GRIN2B: variants seen among roughly 807,000 people sequenced by gnomAD.
GRIN2B encodes the protein glutamate ionotropic receptor NMDA type subunit 2B.
Under a neutral mutation model 114.5 loss-of-function variants are expected in GRIN2B, and 5 were observed. The observed-to-expected ratio is 0.04, with a 90% CI of 0.02 to 0.09. The LOEUF (loss-of-function observed/expected upper bound fraction) is 0.09. Among genes scored for constraint, GRIN2B ranks in the 10% least tolerant of loss-of-function variants. The pLI, the probability that GRIN2B is intolerant of heterozygous loss-of-function variation, is 1.00. For synonymous variants in GRIN2B, 787 were observed against 745.1 expected (o/e 1.06, Z -0.92); for missense variants, 1,108 against 1,943.5 (o/e 0.57, Z 8.08).
rs796052574 is a variant in GRIN2B at position 13,564,302 on chromosome 12, T to A, written c.2936A>T (p.Asn979Ile). ...ATGGTGGTAGTGATCTTGGTACACG[T>A]TGCTGTCCTTCAGCTGCAGGTTCCC... ...TFGNLQLKDS[N>I]VYQDHYHHHH... The change falls in exon 14 of 14, where the codon AAC becomes ATC. Residue 979 changes from asparagine to isoleucine, a missense_variant. Physicochemically the swap from Asn to Ile is moderately radical, Grantham distance 149 (BLOSUM62 -3). Transcript: ENST00000609686. This position sits in a 1 kb window ranked among gnomAD's most constrained non-coding sequence, Gnocchi z 4.8. The A allele has an allele frequency of 8.1e-6, 13 of 1,614,094 alleles. No individual in the cohort carries two copies. Among genetic ancestry groups the A allele is most frequent in the African/African-American group, 1.3e-5 (1 of 74,932 alleles).
At position 13,909,324 on chromosome 12, in the gene GRIN2B, A is replaced by G. The variant is rs531338206; in HGVS notation, c.-18-43098T>C. ...CCATTCATGAGAGCTTGTCTTTGGT[A>G]AGGACTACCTGGATTCATCCCAGGG... On this transcript the variant is annotated intron_variant, in intron 2 of 13. Coordinates refer to ENST00000609686, the MANE Select transcript of GRIN2B (RefSeq NM_000834.5). Among the ~76,000 whole-genome samples, 14 of 152,348 alleles carry G rather than the reference A, an allele frequency of 9.2e-5. No homozygotes were observed. In the South Asian group the frequency reaches 2.9e-3, roughly 32 times the overall value.
At chr12:13,651,912 A>T (rs2193153) in intron 5 of GRIN2B, among the ~76,000 whole-genome samples, 2 of 152,074 alleles carry the variant, frequency 1.3e-5, no homozygotes, top group Admixed American at 6.6e-5. Flanking sequence ...CAGTAAGATG[A>T]GTTATGAGAA....
chr12:13,939,636 C>A (rs1345415369), intron 2 of GRIN2B, among the ~76,000 whole-genome samples: 1 of 144,674 alleles, frequency 6.9e-6, no homozygotes, highest in Non-Finnish European at 1.5e-5. Context: ...CTCACTGCAA[C>A]CTCTTCCTCC....
intron 3 of GRIN2B, among the ~76,000 whole-genome samples, chr12:13,814,704 T>C (rs1230893949): frequency 2.0e-5 from 3 of 152,218 alleles, no homozygotes; most frequent in Non-Finnish European, 4.4e-5. Flanking sequence ...TGCTGTCCAA[T>C]GTGATAGCCA....
chr12:13,961,024 C>A (rs1867680395), intron 2 of GRIN2B, among the ~76,000 whole-genome samples: 1 of 151,734 alleles, frequency 6.6e-6, no homozygotes, highest in African/African-American at 2.4e-5. Context: ...TGCTTGTGAA[C>A]AAAGGCTGGT....
chr12:13,717,626 C>A (rs1341371247), intron 4 of GRIN2B, among the ~76,000 whole-genome samples: 1 of 151,890 alleles, frequency 6.6e-6, no homozygotes, highest in Non-Finnish European at 1.5e-5. Context: ...GCGCGAGAAC[C>A]CACAAGAACT....
chr12:13,656,484 C>T (rs755254069), intron 5 of GRIN2B, among the ~76,000 whole-genome samples: 45 of 152,202 alleles, frequency 3.0e-4, no homozygotes, highest in Non-Finnish European at 6.2e-4. Flanking sequence ...AAGTCAACTG[C>T]ACAAAGCAAA....
At chr12:13,823,610 T>C (rs1179484065) in intron 3 of GRIN2B, among the ~76,000 whole-genome samples, 3 of 152,122 alleles carry the variant, frequency 2.0e-5, no homozygotes, top group African/African-American at 4.8e-5. Flanking sequence ...TGAAGGAAGA[T>C]GGTTTTACTC....
chr12:13,913,163 C>A (rs1288909358), intron 2 of GRIN2B, among the ~76,000 whole-genome samples: 1 of 152,150 alleles, frequency 6.6e-6, no homozygotes, highest in Non-Finnish European at 1.5e-5. Context: ...CCACATAGAT[C>A]TTTAGTACTG....
chr12:13,611,063 A>C (rs1163353100), intron 9 of GRIN2B, among the ~76,000 whole-genome samples: 1 of 152,280 alleles, frequency 6.6e-6, no homozygotes, highest in Middle Eastern at 3.4e-3. Flanking sequence ...AATCATGTGA[A>C]CTTTTAAAAA....
chr12:13,782,753 C>G (rs1864141942), intron 3 of GRIN2B, among the ~76,000 whole-genome samples: 1 of 152,192 alleles, frequency 6.6e-6, no homozygotes, highest in Admixed American at 6.5e-5. Context: ...GCTCTAGACC[C>G]AGCTCACCCA....
At chr12:13,769,602 TAA>T (rs1863868272) in intron 3 of GRIN2B, among the ~76,000 whole-genome samples, 1 of 152,244 alleles carries the variant, frequency 6.6e-6, no homozygotes, top group Non-Finnish European at 1.5e-5. Context: ...TACTTGGCGA[TAA>T]AGTCAAATCA....
chr12:13,973,811 T>G (rs1862972212), intron 2 of GRIN2B, among the ~76,000 whole-genome samples: 1 of 152,176 alleles, frequency 6.6e-6, no homozygotes, highest in South Asian at 2.1e-4. Flanking sequence ...GGTGAAAGTG[T>G]AGATAAATGG....
At chr12:13,805,742 G>A (rs902023454) in intron 3 of GRIN2B, among the ~76,000 whole-genome samples, 1 of 152,118 alleles carries the variant, frequency 6.6e-6, no homozygotes, top group Admixed American at 6.6e-5. Context: ...TCTGTGTGGT[G>A]AAAACATTTA....
At chr12:13,878,700 C>G (rs1310266960) in intron 2 of GRIN2B, among the ~76,000 whole-genome samples, 1 of 152,198 alleles carries the variant, frequency 6.6e-6, no homozygotes, top group Non-Finnish European at 1.5e-5. Flanking sequence ...ATGCTACTCC[C>G]TGCTTATCCT....
At chr12:13,864,551 T>C (rs996162296) in intron 3 of GRIN2B, among the ~76,000 whole-genome samples, 6 of 152,208 alleles carry the variant, frequency 3.9e-5, no homozygotes, top group Admixed American at 2.0e-4. Context: ...AAGACGTGAA[T>C]GGCTGGCTGC....
chr12:13,951,503 C>T (rs1867478717), intron 2 of GRIN2B, among the ~76,000 whole-genome samples: 1 of 152,182 alleles, frequency 6.6e-6, no homozygotes, highest in Non-Finnish European at 1.5e-5. Flanking sequence ...ATATTCAAGT[C>T]AAATGATCCA....
intron 2 of GRIN2B, among the ~76,000 whole-genome samples, chr12:13,876,818 A>G (rs1382808234): frequency 6.6e-6 from 1 of 152,120 alleles, no homozygotes; most frequent in Non-Finnish European, 1.5e-5. Flanking sequence ...ACTATGTCTT[A>G]TTTATCTATC....
chr12:13,765,307 G>A (rs986663304), intron 3 of GRIN2B, among the ~76,000 whole-genome samples: 1 of 152,084 alleles, frequency 6.6e-6, no homozygotes, highest in Non-Finnish European at 1.5e-5. Flanking sequence ...AGAACATGAG[G>A]TGAAACTAGA....
Sources: allele counts gnomAD v4.1 joint callset (sites outside exome capture counted in the v4.1 genomes callset), GRCh38; gene constraint gnomAD v4.1.1; non-coding constraint Gnocchi (gnomAD v3.1); transcripts MANE v1.5; gene names NCBI Gene and HGNC (gene_info 2026-07-23, HGNC 2026-07-21).